DENND6A: variants seen among roughly 807,000 people sequenced by gnomAD.
The protein encoded by DENND6A is DENN domain containing 6A.
A neutral mutation model predicts 95.5 loss-of-function variants in DENND6A; 43 were observed. The observed-to-expected ratio is 0.45, with a 90% CI of 0.35 to 0.58. The LOEUF is 0.58. DENND6A is among the 20% of genes least tolerant of loss of function. The probability of loss-of-function intolerance (pLI) is 0.00; values close to 1 mark genes in which losing one functional copy is unlikely to be tolerated. For missense variants in DENND6A, 574 were observed against 736.0 expected, an observed-to-expected ratio of 0.78 and a Z score of 2.55; for synonymous variants, 257 against 260.4, an observed-to-expected ratio of 0.99 and a Z score of 0.13.
chr3:57,684,035 C>T (rs188389444), intron 1 of DENND6A, among the ~76,000 whole-genome samples: 1 of 151,986 alleles, frequency 6.6e-6, no homozygotes, highest in East Asian at 1.9e-4. Flanking sequence ...CACCTGTAAT[C>T]CCAGCTACTC....
chr3:57,690,965 T>C (rs2077259114), intron 1 of DENND6A, among the ~76,000 whole-genome samples: 2 of 152,218 alleles, frequency 1.3e-5, no homozygotes, highest in Admixed American at 1.3e-4. Flanking sequence ...TAAGAACTCC[T>C]GACCTAGAAA....
At chr3:57,630,866 T>C in intron 16 of DENND6A, 42 bp from the exon 17 acceptor site, 1 of 1,611,116 alleles carries the variant, frequency 6.2e-7, no homozygotes, top group Non-Finnish European at 8.5e-7. Flanking sequence ...TAGGAGTGGA[T>C]ATGTTCACAG....
intron 1 of DENND6A, among the ~76,000 whole-genome samples, chr3:57,685,408 A>G (rs2077203394): frequency 6.6e-6 from 1 of 152,190 alleles, no homozygotes; most frequent in Non-Finnish European, 1.5e-5. Context: ...TGGTGGGATC[A>G]GAAGTGTTTT....
chr3:57,672,671 T>C (rs2071637644), intron 1 of DENND6A, among the ~76,000 whole-genome samples: 1 of 151,984 alleles, frequency 6.6e-6, no homozygotes, highest in East Asian at 1.9e-4. Flanking sequence ...TAGTCCCACC[T>C]ACTCGGGAGG....
chr3:57,685,042 T>G (rs2077199909), intron 1 of DENND6A, among the ~76,000 whole-genome samples: 1 of 151,532 alleles, frequency 6.6e-6, no homozygotes, highest in Admixed American at 6.6e-5. Flanking sequence ...GCCTCCAGAG[T>G]AGCTGGGATT....
chr3:57,642,313 C>CA (rs10681174), intron 11 of DENND6A, among the ~76,000 whole-genome samples: 16,657 of 67,120 alleles, frequency 0.25, 2,261 homozygotes, highest in East Asian at 0.38. Flanking sequence ...GACTCTGTCT[C>CA]AAAAAAAAAA....
chr3:57,637,507 T>C (rs2070820694), intron 12 of DENND6A, among the ~76,000 whole-genome samples: 1 of 152,108 alleles, frequency 6.6e-6, no homozygotes, highest in Non-Finnish European at 1.5e-5. Flanking sequence ...GATGTTTTTT[T>C]CTCTAATTTT....
chr3:57,635,801 G>T (rs1050077244), intron 12 of DENND6A, among the ~76,000 whole-genome samples: 1 of 152,100 alleles, frequency 6.6e-6, no homozygotes. Context: ...TGAACAGCAT[G>T]GGTTTAAACT....
chr3:57,672,188 T>C, intron 3 of DENND6A, 68 bp downstream of exon 3: 5 of 1,396,894 alleles, frequency 3.6e-6, no homozygotes, highest in South Asian at 1.3e-5. Flanking sequence ...TCAATTTTCA[T>C]ACATTAACAG....
chr3:57,657,951 T>A (rs1046218745), intron 8 of DENND6A, among the ~76,000 whole-genome samples: 1 of 152,032 alleles, frequency 6.6e-6, no homozygotes, highest in Admixed American at 6.6e-5. Flanking sequence ...AAAGAATTAA[T>A]CCCGGCCAGG....
In DENND6A at chr3:57,626,885, A is replaced by G. The variant is rs1430779450; in HGVS notation, c.*1329T>C. On this transcript the variant is annotated 3_prime_UTR_variant, in exon 20 of 20. Transcript: ENST00000311128. ...GACAGTGACTCAGGCGAAAGTTCCCATGTCAAACAATAGTAGGAAAAGTGT... is the reference window on the plus strand; with the variant it reads ...GACAGTGACTCAGGCGAAAGTTCCCGTGTCAAACAATAGTAGGAAAAGTGT... 1 of 152,580 alleles carries G rather than the reference A, an allele frequency of 6.6e-6. No homozygotes were observed. Among genetic ancestry groups the G allele is most frequent in the Non-Finnish European group, 1.5e-5 (1 of 68,026 alleles). 9.5% of individuals were successfully genotyped at this position (152,580 alleles called of 1,614,324 possible).
At chr3:57,677,727 G>A (rs1575862692) in intron 1 of DENND6A, among the ~76,000 whole-genome samples, 1 of 151,866 alleles carries the variant, frequency 6.6e-6, no homozygotes, top group African/African-American at 2.4e-5. Flanking sequence ...CACTACATCC[G>A]GCCTTCCTGT....
Position 57,656,941 on chromosome 3 carries a change from G to C in DENND6A, c.818+739C>G, listed in dbSNP as rs531397483. On this transcript the variant is annotated intron_variant, in intron 9 of 19. Transcript: ENST00000311128. ...GCAGTGCACTCCAGCCTAGGCAATA[G>C]AGTGAGACTCTGTCTCAAAAATAAA... 4.6e-5 allele frequency among the ~76,000 whole-genome samples: 7 copies of C among 152,300 alleles called. No individual in the cohort carries two copies. In the South Asian group the frequency reaches 1.2e-3, roughly 27 times the overall value.
At chr3:57,676,078 A>C (rs1361247365) in intron 1 of DENND6A, among the ~76,000 whole-genome samples, 1 of 150,498 alleles carries the variant, frequency 6.6e-6, no homozygotes. Context: ...CTCTCTCTCA[A>C]AAAAAAAAGT....
Position 57,626,978 on chromosome 3 carries a change from T to C in DENND6A, c.*1236A>G, listed in dbSNP as rs1328035180. ...CAAATAATGCCAGAAATCAATCTTA[T>C]CATCACTCAAATAAGTATCACATAA... On this transcript the variant is annotated 3_prime_UTR_variant, in exon 20 of 20. Coordinates refer to ENST00000311128, the MANE Select transcript of DENND6A (RefSeq NM_152678.3). 2.0e-5 allele frequency: 3 copies of C among 152,136 alleles called. No individual in the cohort carries two copies. The highest frequency in any genetic ancestry group is 4.4e-5 in the Non-Finnish European group (3 of 68,020). The allele number at this position is 152,136 out of a possible 1,614,324, so 9.4% of individuals were successfully genotyped here.
intron 3 of DENND6A, among the ~76,000 whole-genome samples, chr3:57,670,032 A>AAAAG (rs1553743499): frequency 1.1e-4 from 16 of 149,436 alleles, no homozygotes; most frequent in African/African-American, 3.5e-4. Flanking sequence ...AAAAAAAAAA[A>AAAAG]AAAAAGAAAA....
At chr3:57,652,504 C>T (rs1183342471) in intron 9 of DENND6A, among the ~76,000 whole-genome samples, 1 of 152,188 alleles carries the variant, frequency 6.6e-6, no homozygotes, top group Admixed American at 6.5e-5. Context: ...CTAAGCAGCT[C>T]CCAGATTTCC....
At chr3:57,669,118 C>T (rs938022584) in intron 3 of DENND6A, among the ~76,000 whole-genome samples, 1 of 152,078 alleles carries the variant, frequency 6.6e-6, no homozygotes, top group Admixed American at 6.6e-5. Context: ...GTTATCTGTC[C>T]GCCTCAGCCT....
chr3:57,646,250 C>T, intron 10 of DENND6A, 66 bp downstream of exon 10: 1 of 1,544,480 alleles, frequency 6.5e-7, no homozygotes, highest in Non-Finnish European at 8.7e-7. Flanking sequence ...CTGCAAATAT[C>T]ACCAACAGGT....
Sources: allele counts gnomAD v4.1 joint callset (sites outside exome capture counted in the v4.1 genomes callset), GRCh38; gene constraint gnomAD v4.1.1; transcripts MANE v1.5; gene names NCBI Gene and HGNC (gene_info 2026-07-23, HGNC 2026-07-21).